The following XPO4 variants were observed in gnomAD, a reference collection of about 807,000 sequenced individuals.
XPO4 encodes exportin 4.
Under a neutral mutation model 143.0 loss-of-function variants are expected in XPO4, and 39 were observed. The observed-to-expected ratio is 0.27, with a 90% confidence interval of 0.21 to 0.36. The LOEUF is 0.36. Ranked by LOEUF, XPO4 falls within the 10% of genes least tolerant of loss-of-function variation. The pLI is 1.00. For synonymous variants in XPO4, 439 were observed against 474.0 expected (o/e 0.93, Z 0.96); for missense variants, 907 against 1,348.0 (o/e 0.67, Z 5.12).
intron 7 of XPO4, among the ~76,000 whole-genome samples, chr13:20,823,809 G>A (rs539659694): frequency 2.6e-5 from 4 of 152,202 alleles, no homozygotes; most frequent in Admixed American, 6.5e-5. Flanking sequence ...GTGCCACGGC[G>A]CCTGGCTAAT....
chr13:20,851,850 C>T, intron 4 of XPO4: 1 of 985,256 alleles, frequency 1.0e-6, no homozygotes, highest in African/African-American at 1.7e-5. Flanking sequence ...AGAGCAAAAT[C>T]TTCTCTAACT....
At position 20,813,975 on chromosome 13, in the gene XPO4, AT is replaced by A. The variant is rs1446340849; in HGVS notation, c.1174-4009del. On this transcript the variant is annotated intron_variant, in intron 9 of 22. Transcript: ENST00000255305. ...GCTGTCTCAAAAAAAAAAAAAAAAAATCTATTGAACGCTAAGAGCCAGGCAC... is the reference window on the plus strand; with the variant it reads ...GCTGTCTCAAAAAAAAAAAAAAAAAACTATTGAACGCTAAGAGCCAGGCAC... Among the ~76,000 whole-genome samples, 4 of 151,658 alleles carry A rather than the reference AT, an allele frequency of 2.6e-5. No individual in the cohort carries two copies. The East Asian group carries it at 7.7e-4, about 29-fold the overall frequency.
chr13:20,857,017 A>T, intron 3 of XPO4: 10 of 376,400 alleles, frequency 2.7e-5, no homozygotes, highest in Non-Finnish European at 3.3e-5. Flanking sequence ...AGATATTTAT[A>T]CAGATGAATA....
At chr13:20,789,895 G>A (rs535171439) in intron 19 of XPO4, among the ~76,000 whole-genome samples, 7 of 151,862 alleles carry the variant, frequency 4.6e-5, no homozygotes, top group African/African-American at 9.7e-5. Flanking sequence ...TGGTACTTAC[G>A]GATGGTAGAA....
At chr13:20,873,811 C>T (rs34283905) in intron 1 of XPO4, among the ~76,000 whole-genome samples, 8,712 of 152,148 alleles carry the variant, frequency 0.057, 632 homozygotes, top group African/African-American at 0.17. Flanking sequence ...TCTACAGGAC[C>T]TTTAGATTCT....
Position 20,800,867 on chromosome 13 carries a change from C to T in XPO4, c.1941G>A (p.Lys647=), listed in dbSNP as rs750022099. The T allele has an allele frequency of 6.2e-7, 1 of 1,613,916 alleles. No homozygotes were observed. Among genetic ancestry groups the T allele is most frequent in the South Asian group, 1.1e-5 (1 of 91,062 alleles). ...GTTTTTCATCCACCAGGAGATAAGTCTTTGCCCAGCGTTTTAAAAACCAAA... is the reference window on the plus strand; with the variant it reads ...GTTTTTCATCCACCAGGAGATAAGTTTTTGCCCAGCGTTTTAAAAACCAAA... ...DIVWFLKRWA[K]TYLLVDEKLY... Residue 647 remains lysine, a synonymous_variant, in exon 14 of 23, where the codon AAG becomes AAA. Transcript: ENST00000255305.
intron 9 of XPO4, among the ~76,000 whole-genome samples, chr13:20,813,685 T>C (rs1201591585): frequency 1.3e-5 from 2 of 152,168 alleles, no homozygotes; most frequent in African/African-American, 4.8e-5. Context: ...CAGTCAGGCA[T>C]GGTGGCTCAT....
chr13:20,838,894 G>A (rs1470558332), intron 6 of XPO4, among the ~76,000 whole-genome samples: 1 of 152,090 alleles, frequency 6.6e-6, no homozygotes, highest in African/African-American at 2.4e-5. Flanking sequence ...ACAATATTAT[G>A]GCAATGAAAA....
chr13:20,850,071 A>C lies in XPO4; in HGVS notation c.456+5556T>G, dbSNP rs80281441. ...TAGTGAGCTGAGTTCATGCCAATGC[A>C]CTCCAGCCTGGGCGACAGAGCAAGA... is the stretch of plus-strand genomic sequence containing the variant. On this transcript the variant is annotated intron_variant, in intron 4 of 22. Coordinates refer to ENST00000255305, the MANE Select transcript of XPO4 (RefSeq NM_022459.5). 6.9e-3 allele frequency: 6,631 copies of C among 960,628 alleles called. 159 individuals carry two copies. Among genetic ancestry groups the C allele is most frequent in the African/African-American group, 0.057 (3,261 of 56,932 alleles). The allele number at this position is 960,628 out of a possible 1,614,324, so 59.5% of individuals were successfully genotyped here.
chr13:20,816,929 TA>T (rs1425935107), intron 9 of XPO4, among the ~76,000 whole-genome samples: 3 of 152,358 alleles, frequency 2.0e-5, no homozygotes, highest in Non-Finnish European at 4.4e-5. Flanking sequence ...GTGCAAGCTT[TA>T]AAAAATACTC....
intron 2 of XPO4, among the ~76,000 whole-genome samples, chr13:20,866,806 T>C (rs937017064): frequency 2.0e-5 from 3 of 152,134 alleles, no homozygotes; most frequent in Non-Finnish European, 4.4e-5. Context: ...CTTCATAAAA[T>C]ATACATATTC....
Position 20,872,251 on chromosome 13 carries a change from C to G in XPO4, c.70-3550G>C, listed in dbSNP as rs559289555. Reference sequence around the variant, plus strand: ...CAATCTTAAGTTACCCTTCAAAAATCTGCTTCCGTCTCTGCTTCCTTCATC... The same window carrying G: ...CAATCTTAAGTTACCCTTCAAAAATGTGCTTCCGTCTCTGCTTCCTTCATC... On this transcript the variant is annotated intron_variant, in intron 1 of 22. Transcript: ENST00000255305. 5.9e-5 allele frequency among the ~76,000 whole-genome samples: 9 copies of G among 152,308 alleles called. No individual in the cohort carries two copies. In the South Asian group the frequency reaches 1.9e-3, roughly 32 times the overall value.
rs148984988 is a variant in XPO4, at chr13:20,828,243, A to C, written c.728-1064T>G. 7.2e-4 allele frequency among the ~76,000 whole-genome samples: 109 copies of C among 151,744 alleles called. 1 individual carries two copies. The highest frequency in any genetic ancestry group is 1.5e-3 in the South Asian group (7 of 4,826). ...TGGCAGGGAGAGGCTCTGTCTCAAA[A>C]CAAACAAACAAACAAAAAACAGTGG... On this transcript the variant is annotated intron_variant, in intron 6 of 22. Transcript: ENST00000255305.
chr13:20,847,762 TAACTAA>T (rs1383404792), intron 4 of XPO4, among the ~76,000 whole-genome samples: 2 of 152,132 alleles, frequency 1.3e-5, no homozygotes, highest in African/African-American at 4.8e-5. Flanking sequence ...GTTGACTAAC[TAACTAA>T]TTGATAAAAG....
At chr13:20,806,569 TTTG>T (rs2059508824) in intron 13 of XPO4, among the ~76,000 whole-genome samples, 1 of 59,952 alleles carries the variant, frequency 1.7e-5, no homozygotes, top group African/African-American at 6.3e-5. Flanking sequence ...TTTTTTTTTT[TTTG>T]AGACAGAGTC....
chr13:20,901,280 T>C (rs758762652), intron 1 of XPO4, among the ~76,000 whole-genome samples: 20 of 152,156 alleles, frequency 1.3e-4, no homozygotes, highest in Non-Finnish European at 2.8e-4. Context: ...AGGGAAGATA[T>C]TGGAAAACAC....
rs940851504 is a variant in XPO4 at position 20,800,929 on chromosome 13, T to C, written c.1879A>G (p.Thr627Ala). Residue 627 changes from threonine (T) to alanine (A), a missense_variant, in exon 14 of 23, where the codon ACT becomes GCT. Coordinates refer to ENST00000255305, the MANE Select transcript of XPO4 (RefSeq NM_022459.5). The part of the protein sequence containing the change: ...VESRAIRADL[T>A]HLLSPQMGKD... ...CCCATCTGGGGACTTAGTAGATGAG[T>C]GAGATCTGCTCTTATTGCTCGAGAT... The C allele has an allele frequency of 6.2e-7, 1 of 1,614,050 alleles. No homozygotes were observed. Among genetic ancestry groups the C allele is most frequent in the East Asian group, 2.2e-5 (1 of 44,842 alleles).
At chr13:20,841,456 T>A (rs570221715) in intron 6 of XPO4, among the ~76,000 whole-genome samples, 1 of 152,290 alleles carries the variant, frequency 6.6e-6, no homozygotes, top group East Asian at 1.9e-4. Context: ...AGCCACCTCT[T>A]GACAACCAAA....
chr13:20,855,699 T>C lies in XPO4; in HGVS notation c.384A>G (p.Leu128=). The C allele has an allele frequency of 6.2e-7, 1 of 1,612,502 alleles. No homozygotes were observed. Among genetic ancestry groups the C allele is most frequent in the Non-Finnish European group, 8.5e-7 (1 of 1,179,670 alleles). The change falls in exon 4 of 23, where the codon TTA becomes TTG. Residue 128 remains leucine, a synonymous_variant. Coordinates refer to ENST00000255305, the MANE Select transcript of XPO4 (RefSeq NM_022459.5). ...AVAVIVKRGS[L]DKSIDCKSIF... ...TGCTTTTGCAGTCAATTGATTTATC[T>C]AATGATCCTCTTTTTACAATTACTG...
Sources: allele counts gnomAD v4.1 joint callset (sites outside exome capture counted in the v4.1 genomes callset), GRCh38; gene constraint gnomAD v4.1.1; transcripts MANE v1.5; gene names NCBI Gene and HGNC (gene_info 2026-07-23, HGNC 2026-07-21).